CAPN11: variants seen among roughly 807,000 people sequenced by gnomAD.
The protein encoded by CAPN11 is calpain-11.
CAPN11 carries 108 observed loss-of-function variants against 105.3 expected under a neutral mutation model. The ratio of observed to expected loss-of-function variants is 1.03; its 90% confidence interval spans 0.88 to 1.20. The LOEUF (loss-of-function observed/expected upper bound fraction) is 1.20, where lower values mean the gene tolerates loss of function less well. Ranked by LOEUF, CAPN11 falls within the 50% of genes most tolerant of loss-of-function variation. The pLI, the probability that CAPN11 is intolerant of heterozygous loss-of-function variation, is 0.00. For synonymous variants in CAPN11, 329 were observed against 344.5 expected, an observed-to-expected ratio of 0.96 and a Z score of 0.50; for missense variants, 883 against 924.8, an observed-to-expected ratio of 0.95 and a Z score of 0.59.
At chr6:44,179,663 G>A (rs771926027) in intron 13 of CAPN11, 33 bp downstream of exon 13, 1 of 1,609,532 alleles carries the variant, frequency 6.2e-7, no homozygotes, top group Non-Finnish European at 8.5e-7. Flanking sequence ...GCTTGTTCCT[G>A]GACACATACC....
chr6:44,168,802 G>A (rs565702954), intron 2 of CAPN11: 32 of 285,038 alleles, frequency 1.1e-4, no homozygotes, highest in African/African-American at 5.8e-4. Flanking sequence ...TGTATTTTTC[G>A]TAGGGACAGG....
chr6:44,177,488 C>CTTTA, intron 12 of CAPN11, 68 bp downstream of exon 12: 1 of 1,411,182 alleles, frequency 7.1e-7, no homozygotes, highest in Non-Finnish European at 9.6e-7. Context: ...TTCTTTCTTT[C>CTTTA]TTTCTTTTTT....
At chr6:44,158,999 A>G (rs9462965) in intron 1 of CAPN11, 135 bp downstream of exon 1, 33 of 487,484 alleles carry the variant, frequency 6.8e-5, no homozygotes, top group Admixed American at 1.8e-4. Flanking sequence ...ATCAGACTGG[A>G]TGCCCCTTGA....
At position 44,183,686 on chromosome 6, in the gene CAPN11, C is replaced by A; in HGVS notation, c.2135-19C>A. On this transcript the variant is annotated intron_variant, in intron 21 of 22. Transcript: ENST00000398776. ...GACTTAGCATTCAGCCCCTCTCCCCCGCTTCCTCTGTAACGCAGCATTCTT... is the reference window on the plus strand; with the variant it reads ...GACTTAGCATTCAGCCCCTCTCCCCAGCTTCCTCTGTAACGCAGCATTCTT... 1 of 1,612,996 alleles carries A rather than the reference C, an allele frequency of 6.2e-7. No individual in the cohort carries two copies. The highest frequency in any genetic ancestry group is 8.5e-7 in the Non-Finnish European group (1 of 1,179,366).
At chr6:44,172,201 G>A (rs375073090) in intron 4 of CAPN11, 101 bp from the exon 5 acceptor site, 3 of 670,116 alleles carry the variant, frequency 4.5e-6, no homozygotes, top group Non-Finnish European at 5.0e-6. Flanking sequence ...GTGAGAATGG[G>A]GTACAGGGTC....
chr6:44,183,333 C>A, intron 21 of CAPN11, 98 bp downstream of exon 21: 1 of 766,168 alleles, frequency 1.3e-6, no homozygotes. Context: ...ATCCCCTCCC[C>A]CTTACAAGGC....
At chr6:44,173,120 G>A (rs1771303205) in intron 6 of CAPN11, 47 bp downstream of exon 6, 2 of 1,606,988 alleles carry the variant, frequency 1.2e-6, no homozygotes, top group Middle Eastern at 1.7e-4. Flanking sequence ...CCTCTGTCTG[G>A]ACAGCTGGAA....
In CAPN11 at chr6:44,183,173, A is replaced by G. The variant is rs368784368; in HGVS notation, c.2072A>G (p.Asp691Gly). 47 of 1,613,650 alleles carry G rather than the reference A, an allele frequency of 2.9e-5. No homozygotes were observed. In the African/African-American group the frequency reaches 6.3e-4, roughly 22 times the overall value. ...GTCCTGGTGGCCAGGTATGCAGATG[A>G]TGACCTGATCATAGACTTTGACAGC... Reference protein sequence around the residue: ...MQVLVARYADDDLIIDFDSFI... With the variant: ...MQVLVARYADGDLIIDFDSFI... The change falls in exon 21 of 23, where the codon GAT becomes GGT. Residue 691 changes from aspartate to glycine, a missense_variant. By Grantham distance (94) the Asp-to-Gly change is moderately conservative. Transcript: ENST00000398776.
rs1193911183 is a variant in CAPN11, at chr6:44,169,551, C to T, written c.339+20C>T. 1 of 1,529,970 alleles carries T rather than the reference C, an allele frequency of 6.5e-7. No homozygotes were observed. Among genetic ancestry groups the T allele is most frequent in the East Asian group, 2.4e-5 (1 of 41,176 alleles). The allele number at this position is 1,529,970 out of a possible 1,614,324, so 94.8% of individuals were successfully genotyped here. On this transcript the variant is annotated intron_variant, in intron 3 of 22. Transcript: ENST00000398776. Reference sequence around the variant, plus strand: ...CCCAAGGTGGGCACTGGAAGGGAGGCATGGACTCATGGATGGAAGGGAGCT... The same window carrying T: ...CCCAAGGTGGGCACTGGAAGGGAGGTATGGACTCATGGATGGAAGGGAGCT...
intron 1 of CAPN11, among the ~76,000 whole-genome samples, chr6:44,162,982 CAT>C (rs1396751121): frequency 2.0e-5 from 3 of 152,280 alleles, no homozygotes; most frequent in East Asian, 1.9e-4. Context: ...TGGAGGGACA[CAT>C]ATGTGACACA....
intron 1 of CAPN11, among the ~76,000 whole-genome samples, chr6:44,163,321 C>G (rs1769236557): frequency 1.3e-5 from 2 of 152,206 alleles, no homozygotes; most frequent in African/African-American, 2.4e-5. Flanking sequence ...CTCAACACCC[C>G]CTGTCAGCTG....
intron 2 of CAPN11, among the ~76,000 whole-genome samples, chr6:44,168,030 T>A (rs1770266226): frequency 6.6e-6 from 1 of 150,846 alleles, no homozygotes; most frequent in Non-Finnish European, 1.5e-5. Context: ...TAAAAAAAAA[T>A]GGAAAAAAAC....
At chr6:44,161,872 T>A (rs778405231) in intron 1 of CAPN11, 12 of 456,132 alleles carry the variant, frequency 2.6e-5, no homozygotes, top group Non-Finnish European at 4.8e-5. Flanking sequence ...TGCAAGGGCA[T>A]GGAGTGGTTT....
chr6:44,179,884 C>A, intron 13 of CAPN11, 68 bp from the exon 14 acceptor site: 2 of 1,291,656 alleles, frequency 1.5e-6, no homozygotes, highest in Non-Finnish European at 1.1e-6. Flanking sequence ...CCAGGCTGTT[C>A]ACCCTGGGGG....
intron 9 of CAPN11, 96 bp downstream of exon 9, chr6:44,176,434 C>T: frequency 7.6e-7 from 1 of 1,309,170 alleles, no homozygotes. Context: ...ACAACCTGTA[C>T]AACAGGGCAA....
Position 44,172,953 on chromosome 6 carries a change from G to C in CAPN11, c.542G>C (p.Gly181Ala). 6.2e-7 allele frequency: 1 copy of C among 1,613,426 alleles called. No individual in the cohort carries two copies. Among genetic ancestry groups the C allele is most frequent in the Non-Finnish European group, 8.5e-7 (1 of 1,179,688 alleles). Residue 181 changes from glycine (G) to alanine (A), a missense_variant, in exon 6 of 23, where the codon GGA (glycine) becomes GCA (alanine). Physicochemically the swap from Gly to Ala is moderately conservative, Grantham distance 60. Coordinates refer to ENST00000398776, the MANE Select transcript of CAPN11 (RefSeq NM_007058.4). ...GIFHFQIWQF[G>A]QWVNVVVDDR... is the part of the protein sequence containing the mutation. ...TGCTACCCACAGATTTGGCAGTTTG[G>C]ACAGTGGGTGAACGTGGTGGTAGAT...
intron 14 of CAPN11, 56 bp from the exon 15 acceptor site, chr6:44,180,404 A>G (rs2128312733): frequency 6.3e-7 from 1 of 1,578,460 alleles, no homozygotes; most frequent in Non-Finnish European, 8.7e-7. Context: ...GCACCCCACT[A>G]AAACCCCCAC....
intron 3 of CAPN11, 151 bp from the exon 4 acceptor site, chr6:44,169,755 C>A: frequency 2.6e-6 from 2 of 759,166 alleles, no homozygotes; most frequent in South Asian, 1.8e-5. Flanking sequence ...TCACAAGCTG[C>A]AGCTATGCCA....
At chr6:44,174,538 T>C (rs1452480473) in intron 7 of CAPN11, among the ~76,000 whole-genome samples, 1 of 138,372 alleles carries the variant, frequency 7.2e-6, no homozygotes, top group Non-Finnish European at 1.6e-5. Context: ...AAAAAAGAAA[T>C]TAATTAGCTG....
Sources: gnomAD v4.1 joint callset for allele counts (sites outside exome capture counted in the v4.1 genomes callset) on GRCh38, gnomAD v4.1.1 for gene constraint, MANE v1.5 for transcripts, NCBI Gene and HGNC (gene_info 2026-07-23, HGNC 2026-07-21) for gene names.